The following SHANK2 variants were observed in gnomAD, a reference collection of about 807,000 sequenced individuals.
SHANK2 encodes the protein SH3 and multiple ankyrin repeat domains protein 2.
In SHANK2, 43 loss-of-function variants were observed where a neutral mutation model predicts 133.7. That is an observed-to-expected ratio of 0.32 (90% confidence interval 0.25 to 0.41). The LOEUF is 0.41. Among genes scored for constraint, SHANK2 ranks in the 10% least tolerant of loss-of-function variants. The probability of loss-of-function intolerance (pLI) is 1.00; values close to 1 mark genes in which losing one functional copy is unlikely to be tolerated. For missense variants in SHANK2, 1,994 were observed against 2,235.8 expected (o/e 0.89, Z 2.18); for synonymous variants, 1,017 against 952.8 (o/e 1.07, Z -1.24).
chr11:70,747,948 G>A (rs1946677624), intron 14 of SHANK2, among the ~76,000 whole-genome samples: 1 of 152,180 alleles, frequency 6.6e-6, no homozygotes, highest in South Asian at 2.1e-4. Context: ...TGTATACATG[G>A]ACAATAATAA....
chr11:71,062,347 G>A (rs1048480869), intron 9 of SHANK2, among the ~76,000 whole-genome samples: 2 of 152,212 alleles, frequency 1.3e-5, no homozygotes, highest in African/African-American at 2.4e-5. Context: ...AAGAGGAGGC[G>A]GAGAGACCAC....
At chr11:70,876,309 C>T (rs1315001232) in intron 11 of SHANK2, among the ~76,000 whole-genome samples, 1 of 146,492 alleles carries the variant, frequency 6.8e-6, no homozygotes, top group Non-Finnish European at 1.5e-5. Flanking sequence ...CGCCTGTAAT[C>T]CCAGCACTTT....
chr11:71,251,367 C>T (rs1326493777), intron 1 of SHANK2, among the ~76,000 whole-genome samples: 1 of 152,144 alleles, frequency 6.6e-6, no homozygotes, highest in Non-Finnish European at 1.5e-5. Flanking sequence ...CCCCAGCCCC[C>T]GCATCCCCCC....
intron 17 of SHANK2, among the ~76,000 whole-genome samples, chr11:70,557,608 A>C (rs567507588): frequency 2.0e-4 from 30 of 152,272 alleles, no homozygotes; most frequent in South Asian, 4.1e-4. Flanking sequence ...GGGCCAGGGC[A>C]AGAGCTGACA....
At chr11:70,855,535 G>A (rs1949155949) in intron 11 of SHANK2, among the ~76,000 whole-genome samples, 1 of 152,224 alleles carries the variant, frequency 6.6e-6, no homozygotes, top group East Asian at 1.9e-4. Context: ...CAGGGCATCT[G>A]CTTTAAAAAT....
intron 17 of SHANK2, among the ~76,000 whole-genome samples, chr11:70,567,495 C>T (rs868917714): frequency 1.3e-5 from 2 of 151,998 alleles, no homozygotes; most frequent in Admixed American, 6.6e-5. Context: ...GGTGTGGTGG[C>T]GGGTGCCTAT....
intron 17 of SHANK2, among the ~76,000 whole-genome samples, chr11:70,527,748 G>A (rs1433735914): frequency 1.3e-5 from 2 of 152,220 alleles, no homozygotes; most frequent in East Asian, 3.9e-4. Flanking sequence ...AGGCCCCTCT[G>A]ATAAGCTGAG....
Position 71,192,159 on chromosome 11 carries a change from C to A in SHANK2, c.-13+32538G>T, listed in dbSNP as rs142927674. 3.3e-3 allele frequency among the ~76,000 whole-genome samples: 510 copies of A among 152,326 alleles called. 4 individuals carry two copies. Among genetic ancestry groups the A allele is most frequent in the Non-Finnish European group, 5.7e-3 (387 of 68,036 alleles). On this transcript the variant is annotated intron_variant, in intron 2 of 25. Transcript: ENST00000601538. Reference sequence around the variant, plus strand: ...TACAGGCGTGAGCCACCACACCCGGCCTTCATCTCATCTTCTTATCAGGAC... The same window carrying A: ...TACAGGCGTGAGCCACCACACCCGGACTTCATCTCATCTTCTTATCAGGAC...
intron 23 of SHANK2, chr11:70,489,893 G>GGAATGCATACCAC (rs2058860599): frequency 3.2e-6 from 1 of 316,430 alleles, no homozygotes; most frequent in Admixed American, 4.4e-5. Context: ...CCTGGTGGTG[G>GGAATGCATACCAC]CTGGGGAATG....
At position 70,758,777 on chromosome 11, in the gene SHANK2, A is replaced by G. The variant is rs570070404; in HGVS notation, c.1777+39666T>C. ...CCTGGCTTGTGGCCGTATCCCTCCA[A>G]CTTCTGCCTCCATCTTCACATGTGA... On this transcript the variant is annotated intron_variant, in intron 14 of 25. Transcript: ENST00000601538. Among the ~76,000 whole-genome samples, 24 of 152,156 alleles carry G rather than the reference A, an allele frequency of 1.6e-4. No homozygotes were observed. In the South Asian group the frequency reaches 5.0e-3, roughly 32 times the overall value.
At chr11:70,625,927 G>A (rs2060899299) in intron 17 of SHANK2, among the ~76,000 whole-genome samples, 1 of 151,100 alleles carries the variant, frequency 6.6e-6, no homozygotes, top group East Asian at 1.9e-4. Flanking sequence ...GCAACCACCA[G>A]GCCAGCGTGG....
intron 17 of SHANK2, among the ~76,000 whole-genome samples, chr11:70,574,618 C>A (rs1286645127): frequency 1.3e-5 from 2 of 152,008 alleles, no homozygotes; most frequent in Admixed American, 6.6e-5. Context: ...GTCCCCTCCC[C>A]TTCTCTGACT....
intron 17 of SHANK2, among the ~76,000 whole-genome samples, chr11:70,653,774 C>A (rs1000833535): frequency 3.9e-5 from 6 of 152,148 alleles, no homozygotes; most frequent in Admixed American, 3.3e-4. Flanking sequence ...CTGGGATTAA[C>A]AGGCACATGC....
At chr11:71,122,397 C>G (rs1321872579) in intron 3 of SHANK2, among the ~76,000 whole-genome samples, 1 of 152,060 alleles carries the variant, frequency 6.6e-6, no homozygotes, top group Non-Finnish European at 1.5e-5. Flanking sequence ...ATCGCAAGGA[C>G]AGAAAACCAA....
chr11:70,890,870 A>G (rs1949832383), intron 11 of SHANK2, among the ~76,000 whole-genome samples: 1 of 151,464 alleles, frequency 6.6e-6, no homozygotes, highest in South Asian at 2.1e-4. Flanking sequence ...GGGCTGAGGC[A>G]GGAGAATCGC....
At chr11:70,681,560 T>C (rs1945029897) in intron 15 of SHANK2, among the ~76,000 whole-genome samples, 1 of 152,186 alleles carries the variant, frequency 6.6e-6, no homozygotes. Flanking sequence ...TCAGCCACCC[T>C]GGACTGTAAC....
intron 12 of SHANK2, among the ~76,000 whole-genome samples, chr11:70,812,796 C>T (rs1565334210): frequency 6.6e-6 from 1 of 152,240 alleles, no homozygotes; most frequent in Non-Finnish European, 1.5e-5. Flanking sequence ...GCATCCCAAA[C>T]TGTCCATGTT....
chr11:70,764,849 A>ATCCATCCG (rs1309975966), intron 14 of SHANK2, among the ~76,000 whole-genome samples: 2 of 151,134 alleles, frequency 1.3e-5, no homozygotes, highest in Non-Finnish European at 2.9e-5. Context: ...CCATCCATCC[A>ATCCATCCG]TCCATCCATC....
chr11:70,473,162 A>G lies in SHANK2; in HGVS notation c.5257T>C (p.Phe1753Leu). Residue 1753 changes from phenylalanine to leucine, a missense_variant, in exon 26 of 26, where the codon TTT (phenylalanine) becomes CTT (leucine). This residue lies in a region of SHANK2 where 797 missense variants were observed against 907.4 expected (regional missense o/e 0.88). Transcript: ENST00000601538. The surrounding 1 kb of genome is among the most constrained non-coding windows in gnomAD (Gnocchi z 5.9). ...CTGCGTCCCGCTGGGTTCAAGCCAA[A>G]TAGATCCCCAGAAGGGGGCTGGCTT... ...LPSQPPSGDLFGLNPAGRSRS... is the reference protein window; with the variant it reads ...LPSQPPSGDLLGLNPAGRSRS... 4 of 1,614,006 alleles carry G rather than the reference A, an allele frequency of 2.5e-6. No individual in the cohort carries two copies. In the South Asian group the frequency reaches 3.3e-5, roughly 13 times the overall value.
Sources: allele counts gnomAD v4.1 joint callset (sites outside exome capture counted in the v4.1 genomes callset), GRCh38; gene constraint gnomAD v4.1.1; regional missense constraint gnomAD v4.1.1; non-coding constraint Gnocchi (gnomAD v3.1); transcripts MANE v1.5; gene names NCBI Gene and HGNC (gene_info 2026-07-23, HGNC 2026-07-21).